YPEL2: variants seen among roughly 807,000 people sequenced by gnomAD.
YPEL2 encodes the protein protein yippee-like 2.
A neutral mutation model predicts 19.1 loss-of-function variants in YPEL2; 2 were observed. The observed-to-expected ratio is 0.10, with a 90% CI of 0.04 to 0.33. The LOEUF is 0.33. YPEL2 is among the 10% of genes least tolerant of loss of function. YPEL2 has a pLI of 1.00. For missense variants in YPEL2, 66 were observed against 140.7 expected (o/e 0.47, Z 2.68); for synonymous variants, 52 against 50.0 (o/e 1.04, Z -0.17).
chr17:59,374,961 C>G (rs778153600), intron 2 of YPEL2, among the ~76,000 whole-genome samples: 3 of 152,178 alleles, frequency 2.0e-5, no homozygotes, highest in Admixed American at 6.5e-5. Flanking sequence ...AGCTTTAAAT[C>G]TATGACCTGA....
At chr17:59,368,761 G>C (rs1287715350) in intron 2 of YPEL2, among the ~76,000 whole-genome samples, 1 of 152,178 alleles carries the variant, frequency 6.6e-6, no homozygotes, top group Non-Finnish European at 1.5e-5. Context: ...CTGCTAAAAG[G>C]TTTTAAGCAA....
intron 1 of YPEL2, among the ~76,000 whole-genome samples, chr17:59,350,088 CTTT>C (rs542716696): frequency 1.3e-5 from 2 of 150,678 alleles, no homozygotes; most frequent in African/African-American, 4.9e-5. Context: ...TTTTTCTTTT[CTTT>C]TTTTTTAATG....
intron 1 of YPEL2, among the ~76,000 whole-genome samples, chr17:59,336,844 A>C (rs1030301919): frequency 1.3e-5 from 2 of 152,210 alleles, no homozygotes; most frequent in African/African-American, 4.8e-5. Flanking sequence ...CTGGAATGGA[A>C]TTTAGAAACC....
At chr17:59,372,282 G>A (rs1373701710) in intron 2 of YPEL2, among the ~76,000 whole-genome samples, 1 of 152,184 alleles carries the variant, frequency 6.6e-6, no homozygotes, top group African/African-American at 2.4e-5. Context: ...GATCTGAGTA[G>A]CACTTCCTGC....
chr17:59,378,405 C>T (rs993144547), intron 2 of YPEL2, among the ~76,000 whole-genome samples: 2 of 150,512 alleles, frequency 1.3e-5, no homozygotes, highest in African/African-American at 4.9e-5. Flanking sequence ...AGTGCAGTGG[C>T]GTGATCTCAG....
intron 2 of YPEL2, among the ~76,000 whole-genome samples, chr17:59,358,094 G>A (rs1212856174): frequency 6.6e-6 from 1 of 152,150 alleles, no homozygotes; most frequent in Non-Finnish European, 1.5e-5. Flanking sequence ...CAGGCCATGG[G>A]TGACTCAGTG....
At chr17:59,375,732 G>GT (rs1194419569) in intron 2 of YPEL2, among the ~76,000 whole-genome samples, 3 of 152,200 alleles carry the variant, frequency 2.0e-5, no homozygotes, top group Non-Finnish European at 4.4e-5. Context: ...TGTTGTCTTT[G>GT]TTGAAGGTAA....
intron 1 of YPEL2, among the ~76,000 whole-genome samples, chr17:59,348,488 C>T (rs1044963267): frequency 6.6e-6 from 1 of 152,186 alleles, no homozygotes; most frequent in Non-Finnish European, 1.5e-5. Flanking sequence ...GCCGGGGAGG[C>T]GGCATGGGGT....
chr17:59,374,630 G>C (rs1384809799), intron 2 of YPEL2, among the ~76,000 whole-genome samples: 1 of 152,206 alleles, frequency 6.6e-6, no homozygotes, highest in Non-Finnish European at 1.5e-5. Flanking sequence ...TAGAAGGAAA[G>C]TGTAGGAAGT....
At chr17:59,369,029 G>A (rs2047884182) in intron 2 of YPEL2, among the ~76,000 whole-genome samples, 1 of 151,060 alleles carries the variant, frequency 6.6e-6, no homozygotes. Context: ...ATAACTCTAA[G>A]AAGAGGGCCT....
chr17:59,394,648 G>A (rs960385598), intron 4 of YPEL2, among the ~76,000 whole-genome samples: 9 of 151,960 alleles, frequency 5.9e-5, no homozygotes, highest in African/African-American at 2.2e-4. Context: ...CAGACGATGG[G>A]CGGCCAGGCA....
chr17:59,383,029 G>C (rs780725222), intron 2 of YPEL2, among the ~76,000 whole-genome samples: 14 of 152,052 alleles, frequency 9.2e-5, no homozygotes, highest in Non-Finnish European at 1.0e-4. Flanking sequence ...AATGAACAAG[G>C]GTTCAAACCC....
rs953603706 is a variant in YPEL2 at position 59,397,757 on chromosome 17, A to G, written c.*567A>G. 1.3e-5 allele frequency: 2 copies of G among 152,292 alleles called. No homozygotes were observed. Among genetic ancestry groups the G allele is most frequent in the Non-Finnish European group, 2.9e-5 (2 of 68,082 alleles). The allele number at this position is 152,292 out of a possible 1,614,324, so 9.4% of individuals were successfully genotyped here. ...CTGACTAGAAGCTTCTGTTCCTGAC[A>G]CCAAATGTGCCAGGTTAGCAAATGA... On this transcript the variant is annotated 3_prime_UTR_variant, in exon 5 of 5. Coordinates refer to ENST00000312655, the MANE Select transcript of YPEL2 (RefSeq NM_001005404.4).
At chr17:59,390,908 C>T (rs1183391408) in intron 4 of YPEL2, among the ~76,000 whole-genome samples, 1 of 152,214 alleles carries the variant, frequency 6.6e-6, no homozygotes, top group Admixed American at 6.5e-5. Flanking sequence ...TTTCCTCATA[C>T]TTACAGAGTT....
intron 2 of YPEL2, among the ~76,000 whole-genome samples, chr17:59,377,491 A>T (rs1031270840): frequency 6.6e-6 from 1 of 152,184 alleles, no homozygotes; most frequent in Non-Finnish European, 1.5e-5. Flanking sequence ...TCTTCTGTAG[A>T]GGATGGGGAT....
rs768640479 is a variant in YPEL2, at chr17:59,353,369, C to G, written c.-41C>G. 6.9e-7 allele frequency: 1 copy of G among 1,459,170 alleles called. No homozygotes were observed. Among genetic ancestry groups the G allele is most frequent in the South Asian group, 1.3e-5 (1 of 76,970 alleles). 90.4% of individuals were successfully genotyped at this position (1,459,170 alleles called of 1,614,324 possible). A position where few individuals can be genotyped will look rare whatever the true frequency, so the allele number is the denominator to read the frequency against. ...TGCGACCCATCCTGTGGGAGTGCCT[C>G]GTGGGCTGCCCCAGAGTTCACCCCA... On this transcript the variant is annotated 5_prime_UTR_variant, in exon 2 of 5. Transcript: ENST00000312655. The surrounding 1 kb of genome is among the most constrained non-coding windows in gnomAD (Gnocchi z 4.8).
At chr17:59,394,950 G>A (rs1297382513) in intron 4 of YPEL2, among the ~76,000 whole-genome samples, 7 of 152,222 alleles carry the variant, frequency 4.6e-5, no homozygotes, top group African/African-American at 1.4e-4. Flanking sequence ...CCAGTCAGGC[G>A]TGGCGGCACG....
At position 59,335,989 on chromosome 17, in the gene YPEL2, C is replaced by T. The variant is rs527767691; in HGVS notation, c.-196+4165C>T. Among the ~76,000 whole-genome samples, 9 of 152,268 alleles carry T rather than the reference C, an allele frequency of 5.9e-5. No individual in the cohort carries two copies. In the East Asian group the frequency reaches 1.7e-3, roughly 29 times the overall value. Reference sequence around the variant, plus strand: ...CCTTAACTTTATTTTCTTCAAAGCACTTTAATACCGTCTGGAAATATATTA... The same window carrying T: ...CCTTAACTTTATTTTCTTCAAAGCATTTTAATACCGTCTGGAAATATATTA... On this transcript the variant is annotated intron_variant, in intron 1 of 4. Transcript: ENST00000312655.
rs1371088151 is a variant in YPEL2 at position 59,382,100 on chromosome 17, A to C, written c.118-6227A>C. 2.6e-5 allele frequency among the ~76,000 whole-genome samples: 4 copies of C among 152,360 alleles called. No homozygotes were observed. In the East Asian group the frequency reaches 7.7e-4, roughly 29 times the overall value. Reference sequence around the variant, plus strand: ...AATGTTGACTTGGCAGGGGCCCCAGAATGGAACCCATGATGGAAAAGTCTT... The same window carrying C: ...AATGTTGACTTGGCAGGGGCCCCAGCATGGAACCCATGATGGAAAAGTCTT... On this transcript the variant is annotated intron_variant, in intron 2 of 4. Coordinates refer to ENST00000312655, the MANE Select transcript of YPEL2 (RefSeq NM_001005404.4).
Sources: allele counts gnomAD v4.1 joint callset (sites outside exome capture counted in the v4.1 genomes callset), GRCh38; gene constraint gnomAD v4.1.1; non-coding constraint Gnocchi (gnomAD v3.1); transcripts MANE v1.5; gene names NCBI Gene and HGNC (gene_info 2026-07-23, HGNC 2026-07-21).